MPP3: variants seen among roughly 807,000 people sequenced by gnomAD.
The protein encoded by MPP3 is MAGUK p55 subfamily member 3.
Under a neutral mutation model 80.7 loss-of-function variants are expected in MPP3, and 48 were observed. That is an observed-to-expected ratio of 0.59 (90% CI 0.47 to 0.76). The LOEUF (loss-of-function observed/expected upper bound fraction) is 0.76, where lower values mean the gene tolerates loss of function less well. Among genes scored for constraint, MPP3 ranks in the 30% least tolerant of loss-of-function variants. The pLI is 0.00. For synonymous variants in MPP3, 311 were observed against 297.6 expected (o/e 1.04, Z -0.46); for missense variants, 620 against 763.0 (o/e 0.81, Z 2.21).
intron 19 of MPP3, 29 bp from the exon 20 acceptor site, chr17:43,801,906 A>T: frequency 1.2e-6 from 2 of 1,601,222 alleles, no homozygotes; most frequent in Non-Finnish European, 1.7e-6. Flanking sequence ...TAAAAGGAGC[A>T]ACTGGGTTGT....
intron 19 of MPP3, among the ~76,000 whole-genome samples, chr17:43,803,633 T>C (rs2044503615): frequency 1.3e-5 from 2 of 152,166 alleles, no homozygotes; most frequent in Admixed American, 1.3e-4. Flanking sequence ...TGGACAGATA[T>C]TTAAAGTTAC....
chr17:43,827,892 C>T (rs959041439), intron 7 of MPP3, 60 bp from the exon 8 acceptor site: 1 of 1,519,686 alleles, frequency 6.6e-7, no homozygotes, highest in Admixed American at 1.7e-5. Context: ...CAGACCCCTA[C>T]TCTCTGGACC....
chr17:43,823,384 AG>A (rs1049752120), intron 10 of MPP3, among the ~76,000 whole-genome samples: 2 of 152,132 alleles, frequency 1.3e-5, no homozygotes, highest in Admixed American at 1.3e-4. Flanking sequence ...TACCTTCTTC[AG>A]GCCTCAGTTC....
Position 43,821,024 on chromosome 17 carries a change from C to A in MPP3, c.719G>T (p.Arg240Leu). ...FMRALFHYNPREDRAIPCQEA... is the reference protein window; with the variant it reads ...FMRALFHYNPLEDRAIPCQEA... ...CTGGCAAGGGATGGCCCGGTCCTCCCGAGGGTTGTAGTGGAAGAGGGCGCG... is the reference window on the plus strand; with the variant it reads ...CTGGCAAGGGATGGCCCGGTCCTCCAGAGGGTTGTAGTGGAAGAGGGCGCG... The change falls in exon 11 of 20, where the codon CGG becomes CTG. Residue 240 changes from arginine to leucine, a missense_variant. Arg to Leu is a moderately radical substitution (Grantham distance 102, BLOSUM62 -2). Transcript: ENST00000398389. The A allele has an allele frequency of 6.2e-7, 1 of 1,613,986 alleles. No individual in the cohort carries two copies. The highest frequency in any genetic ancestry group is 8.5e-7 in the Non-Finnish European group (1 of 1,179,944).
rs754946172 is a variant in MPP3, at chr17:43,814,373, G to A, written c.1010-12C>T. On this transcript the variant is annotated splice_polypyrimidine_tract_variant and intron_variant, in intron 14 of 19. Transcript: ENST00000398389. Reference sequence around the variant, plus strand: ...CCTCCGAAGACCAGCTTGGGAGGAGGGGCAGAGGGACACCATGGCATTTGT... The same window carrying A: ...CCTCCGAAGACCAGCTTGGGAGGAGAGGCAGAGGGACACCATGGCATTTGT... The A allele has an allele frequency of 6.4e-5, 102 of 1,588,100 alleles. No homozygotes were observed. Among genetic ancestry groups the A allele is most frequent in the Non-Finnish European group, 8.4e-5 (99 of 1,172,780 alleles).
rs915623607 is a variant in MPP3 at position 43,803,954 on chromosome 17, G to C, written c.1582-2077C>G. Among the ~76,000 whole-genome samples the C allele has an allele frequency of 2.0e-5, 3 of 152,126 alleles. No individual in the cohort carries two copies. In the South Asian group the frequency reaches 6.2e-4, roughly 31 times the overall value. ...AGGAGATGGGATAGATGACAAAACC[G>C]GCCAGGCTGGAAGGACACTGGGAAT... On this transcript the variant is annotated intron_variant, in intron 19 of 19. Coordinates refer to ENST00000398389, the MANE Select transcript of MPP3 (RefSeq NM_001932.6).
intron 3 of MPP3, 77 bp from the exon 4 acceptor site, chr17:43,831,754 T>C: frequency 7.0e-7 from 1 of 1,436,976 alleles, no homozygotes; most frequent in Non-Finnish European, 9.6e-7. Flanking sequence ...GAGTGGGGCC[T>C]CAAACAGCAC....
At chr17:43,812,361 A>T (rs546992293) in intron 16 of MPP3, among the ~76,000 whole-genome samples, 37 of 152,242 alleles carry the variant, frequency 2.4e-4, no homozygotes, top group African/African-American at 7.5e-4. Context: ...TGCTAGGGTC[A>T]CTTTTCCAAC....
chr17:43,805,025 AAAG>A (rs1168040223), intron 19 of MPP3, among the ~76,000 whole-genome samples: 8 of 152,250 alleles, frequency 5.3e-5, no homozygotes, highest in Non-Finnish European at 1.2e-4. Context: ...TCTCAAAAAA[AAAG>A]AAAGTGAAAA....
chr17:43,813,728 G>A (rs1375242534), intron 16 of MPP3, among the ~76,000 whole-genome samples: 3 of 152,098 alleles, frequency 2.0e-5, no homozygotes, highest in African/African-American at 7.2e-5. Context: ...GTGGTGTCAG[G>A]TTGAGGCTGC....
Position 43,820,874 on chromosome 17 carries a change from C to G in MPP3, c.869G>C (p.Gly290Ala). 1 of 1,614,180 alleles carries G rather than the reference C, an allele frequency of 6.2e-7. No individual in the cohort carries two copies. Among genetic ancestry groups the G allele is most frequent in the Non-Finnish European group, 8.5e-7 (1 of 1,180,020 alleles). ...ACCCCAGACCCACCTCTCCTGGAAC[C>G]CCTTGGAGGGGATGAGGCCGGCTCG... ...NLRAGLIPSK[G>A]FQERRLSYRR... The change falls in exon 11 of 20, where the codon GGG becomes GCG. Residue 290 changes from glycine (G) to alanine (A), a missense_variant. Physicochemically the swap from Gly to Ala is moderately conservative, Grantham distance 60. Transcript: ENST00000398389.
intron 10 of MPP3, among the ~76,000 whole-genome samples, chr17:43,821,602 C>T (rs976746467): frequency 6.6e-6 from 1 of 152,204 alleles, no homozygotes; most frequent in African/African-American, 2.4e-5. Context: ...AATCCTGCCT[C>T]GTCTGCCATA....
chr17:43,827,954 G>C, intron 7 of MPP3, 122 bp from the exon 8 acceptor site: 1 of 867,460 alleles, frequency 1.2e-6, no homozygotes. Context: ...GATCAGTGGG[G>C]ACCTTCCCAA....
At chr17:43,813,282 T>C (rs2044952571) in intron 16 of MPP3, among the ~76,000 whole-genome samples, 1 of 152,134 alleles carries the variant, frequency 6.6e-6, no homozygotes, top group Non-Finnish European at 1.5e-5. Context: ...ATTGGACAAG[T>C]TACTTAACCT....
At position 43,808,957 on chromosome 17, in the gene MPP3, A is replaced by G; in HGVS notation, c.1580T>C (p.Phe527Ser). The G allele has an allele frequency of 6.3e-7, 1 of 1,589,926 alleles. No individual in the cohort carries two copies. The highest frequency in any genetic ancestry group is 1.4e-5 in the African/African-American group (1 of 73,044). Residue 527 changes from phenylalanine to serine, a missense_variant and splice_region_variant, in exon 19 of 20, where the codon TTT becomes TCT. Transcript: ENST00000398389. ...SPACEDTAAP[F>S]DEQQQEMAAS... ...AGAAACAATCAACTTTAAACTTACA[A>G]ATGGGGCTGCTGTGTCCTCACAAGC... is the stretch of plus-strand genomic sequence containing the variant.
At position 43,805,731 on chromosome 17, in the gene MPP3, G is replaced by C. The variant is rs529617517; in HGVS notation, c.1581+3225C>G. Reference sequence around the variant, plus strand: ...TGAATCCATTTATATGAAATGTTTAGAATAGACAAATTTATAGTGACAGTA... The same window carrying C: ...TGAATCCATTTATATGAAATGTTTACAATAGACAAATTTATAGTGACAGTA... On this transcript the variant is annotated intron_variant, in intron 19 of 19. Transcript: ENST00000398389. 2.0e-5 allele frequency among the ~76,000 whole-genome samples: 3 copies of C among 152,304 alleles called. No homozygotes were observed. The East Asian group carries it at 5.8e-4, about 29-fold the overall frequency.
intron 7 of MPP3, 71 bp from the exon 8 acceptor site, chr17:43,827,903 C>G: frequency 7.1e-7 from 1 of 1,404,740 alleles, no homozygotes; most frequent in Non-Finnish European, 1.0e-6. Flanking sequence ...TCTCTGGACC[C>G]AACACAGCCT....
intron 8 of MPP3, among the ~76,000 whole-genome samples, chr17:43,827,329 C>CTTTTTTTTT (rs1197926220): frequency 1.0e-5 from 1 of 99,010 alleles, no homozygotes; most frequent in Non-Finnish European, 2.0e-5. Flanking sequence ...TTTTTTTTTT[C>CTTTTTTTTT]TTTTTTTTTT....
chr17:43,827,750 C>T lies in MPP3; in HGVS notation c.523+1G>A. ...GCCAGCTTTGCACTGCCGCCACTCA[C>T]CGCTCCTGTCTGCTGCGCCTCCTCG... is the stretch of plus-strand genomic sequence containing the variant. On this transcript the variant is annotated splice_donor_variant, in intron 8 of 19. Transcript: ENST00000398389. LOFTEE classifies it high-confidence loss of function. 1.9e-6 allele frequency: 3 copies of T among 1,610,758 alleles called. No homozygotes were observed. Among genetic ancestry groups the T allele is most frequent in the Non-Finnish European group, 2.5e-6 (3 of 1,179,986 alleles).
Sources: allele counts gnomAD v4.1 joint callset (sites outside exome capture counted in the v4.1 genomes callset), GRCh38; gene constraint gnomAD v4.1.1; transcripts MANE v1.5; gene names NCBI Gene and HGNC (gene_info 2026-07-23, HGNC 2026-07-21).